The following PCDH15 variants were observed in gnomAD, a reference collection of about 807,000 sequenced individuals.
PCDH15 encodes the protein protocadherin related 15, also known as protocadherin-15.
A neutral mutation model predicts 178.5 loss-of-function variants in PCDH15; 129 were observed. The ratio of observed to expected loss-of-function variants is 0.72; its 90% CI spans 0.63 to 0.84. The LOEUF is 0.84. Ranked by LOEUF, PCDH15 falls within the 40% of genes least tolerant of loss-of-function variation. The pLI, the probability that PCDH15 is intolerant of heterozygous loss-of-function variation, is 0.00. For missense variants in PCDH15, 2,230 were observed against 2,099.9 expected (o/e 1.06, Z -1.21); for synonymous variants, 800 against 732.0 (o/e 1.09, Z -1.50).
intron 1 of PCDH15, chr10:55,247,814 T>C (rs985855695): frequency 1.3e-5 from 2 of 151,304 alleles, no homozygotes; most frequent in African/African-American, 4.9e-5. Flanking sequence ...GGTGGGAGGA[T>C]TGCTTGAGCC....
At chr10:55,140,555 TAAG>T (rs1776685808) in intron 2 of PCDH15, among the ~76,000 whole-genome samples, 1 of 151,992 alleles carries the variant, frequency 6.6e-6, no homozygotes, top group Non-Finnish European at 1.5e-5. Context: ...GACATACTGT[TAAG>T]AAGTTTTATT....
At chr10:54,965,651 T>C (rs1802398233) in intron 2 of PCDH15, among the ~76,000 whole-genome samples, 1 of 148,598 alleles carries the variant, frequency 6.7e-6, no homozygotes, top group African/African-American at 2.5e-5. Context: ...TGGGTATATG[T>C]GGATTAGCTT....
chr10:54,631,516 A>G (rs938939316), intron 2 of PCDH15, among the ~76,000 whole-genome samples: 9 of 152,152 alleles, frequency 5.9e-5, no homozygotes, highest in African/African-American at 9.7e-5. Flanking sequence ...CAAAGAACTC[A>G]GAACTACCGT....
At chr10:54,075,715 A>G (rs1444046607) in intron 17 of PCDH15, among the ~76,000 whole-genome samples, 3 of 152,206 alleles carry the variant, frequency 2.0e-5, no homozygotes, top group African/African-American at 7.2e-5. Flanking sequence ...ATTCGTTTGC[A>G]TGTAGAATGA....
intron 2 of PCDH15, among the ~76,000 whole-genome samples, chr10:55,007,758 A>G (rs181419562): frequency 9.9e-4 from 150 of 152,270 alleles, no homozygotes; most frequent in African/African-American, 3.5e-3. Flanking sequence ...AAGTGATCTG[A>G]CAAATCTAAA....
chr10:55,376,008 G>GC lies in PCDH15; in HGVS notation c.-155-209358_-155-209357insG, dbSNP rs1837388034. 1.1e-4 allele frequency among the ~76,000 whole-genome samples: 16 copies of GC among 151,124 alleles called. No homozygotes were observed. The South Asian group carries it at 3.2e-3, about 30-fold the overall frequency. ...TAGTTAATATAACATTTTAGTTTAG[G>GC]ACCATATTTATCACACTAGATCATA... On this transcript the variant is annotated intron_variant, in intron 2 of 5. Transcript: ENST00000613346.
At chr10:54,791,269 A>T (rs1179211637) in intron 1 of PCDH15, among the ~76,000 whole-genome samples, 1 of 151,952 alleles carries the variant, frequency 6.6e-6, no homozygotes, top group African/African-American at 2.4e-5. Flanking sequence ...CATTGAATTT[A>T]GCAAGTCATT....
At chr10:54,188,245 T>G (rs887204594) in intron 11 of PCDH15, among the ~76,000 whole-genome samples, 1 of 151,882 alleles carries the variant, frequency 6.6e-6, no homozygotes, top group South Asian at 2.1e-4. Flanking sequence ...TATTTGAATT[T>G]TGCAATTCCT....
chr10:55,252,884 G>C (rs889133303), intron 1 of PCDH15, among the ~76,000 whole-genome samples: 1 of 151,948 alleles, frequency 6.6e-6, no homozygotes, highest in Non-Finnish European at 1.5e-5. Context: ...TTTAAAAACT[G>C]TCTAAAATAA....
intron 3 of PCDH15, among the ~76,000 whole-genome samples, chr10:54,816,265 G>T (rs1156724109): frequency 1.3e-5 from 2 of 152,028 alleles, no homozygotes; most frequent in Non-Finnish European, 2.9e-5. Flanking sequence ...CAGGGTTTAA[G>T]CTCAGATCTG....
chr10:55,469,165 A>G (rs1839905288), intron 2 of PCDH15: 1 of 152,166 alleles, frequency 6.6e-6, no homozygotes, highest in Admixed American at 6.5e-5. Flanking sequence ...ACAGAAGAAG[A>G]GTGGCTTATG....
At chr10:55,033,363 G>A (rs1402385265) in intron 2 of PCDH15, among the ~76,000 whole-genome samples, 1 of 152,174 alleles carries the variant, frequency 6.6e-6, no homozygotes, top group Non-Finnish European at 1.5e-5. Flanking sequence ...GCAAAGCCAT[G>A]CTAATAGGGT....
chr10:55,197,970 G>A (rs1188094353), intron 1 of PCDH15, among the ~76,000 whole-genome samples: 1 of 152,180 alleles, frequency 6.6e-6, no homozygotes, highest in Non-Finnish European at 1.5e-5. Context: ...TGAATATAAT[G>A]TGCTGAATAT....
chr10:55,457,139 G>T (rs1184821295), intron 2 of PCDH15, among the ~76,000 whole-genome samples: 8 of 152,126 alleles, frequency 5.3e-5, no homozygotes, highest in Middle Eastern at 6.8e-3. Context: ...GGTGGGAAGG[G>T]TATCTATACT....
In PCDH15 at chr10:53,857,273, G is replaced by C. The variant is rs919380715; in HGVS notation, c.3718-10C>G. The C allele has an allele frequency of 6.3e-7, 1 of 1,596,342 alleles. No homozygotes were observed. The highest frequency in any genetic ancestry group is 8.6e-7 in the Non-Finnish European group (1 of 1,164,606). On this transcript the variant is annotated splice_polypyrimidine_tract_variant and intron_variant, in intron 27 of 37. Coordinates refer to ENST00000644397, the MANE Select transcript of PCDH15 (RefSeq NM_001384140.1). ...GATTGACCACGGAGACCTGAAAGAA[G>C]AAAAAACAGAATTCATTTAATTTTT...
At chr10:55,181,111 G>C (rs1162402390) in intron 1 of PCDH15, among the ~76,000 whole-genome samples, 3 of 151,784 alleles carry the variant, frequency 2.0e-5, no homozygotes, top group Non-Finnish European at 4.4e-5. Context: ...TATGTGAAGA[G>C]AATAGAAGTC....
At chr10:53,964,364 A>G (rs1053530948) in intron 21 of PCDH15, among the ~76,000 whole-genome samples, 10 of 63,046 alleles carry the variant, frequency 1.6e-4, no homozygotes, top group African/African-American at 6.0e-4. Context: ...ATAATTTTTT[A>G]TTTATAAAAA....
At chr10:55,009,703 C>T (rs1349608009) in intron 2 of PCDH15, among the ~76,000 whole-genome samples, 1 of 152,056 alleles carries the variant, frequency 6.6e-6, no homozygotes, top group Non-Finnish European at 1.5e-5. Context: ...AGCTATATTA[C>T]TAAGCATGAA....
intron 2 of PCDH15, among the ~76,000 whole-genome samples, chr10:55,068,465 T>G (rs1841624333): frequency 6.6e-6 from 1 of 152,142 alleles, no homozygotes; most frequent in African/African-American, 2.4e-5. Context: ...TACATTTTTA[T>G]ATAAATGCCA....
Sources: gnomAD v4.1 joint callset for allele counts (sites outside exome capture counted in the v4.1 genomes callset) on GRCh38, gnomAD v4.1.1 for gene constraint, MANE v1.5 for transcripts, NCBI Gene and HGNC (gene_info 2026-07-23, HGNC 2026-07-21) for gene names.